PPP1R9A: variants seen among roughly 807,000 people sequenced by gnomAD.
PPP1R9A encodes protein phosphatase 1 regulatory subunit 9A, also known as neurabin-1.
Under a neutral mutation model 141.9 loss-of-function variants are expected in PPP1R9A, and 59 were observed. The observed-to-expected ratio is 0.42, with a 90% CI of 0.34 to 0.52. The LOEUF is 0.52. Among genes scored for constraint, PPP1R9A ranks in the 20% least tolerant of loss-of-function variants. The probability of loss-of-function intolerance (pLI) is 0.10; values close to 1 mark genes in which losing one functional copy is unlikely to be tolerated. For missense variants in PPP1R9A, 1,444 were observed against 1,611.9 expected, an observed-to-expected ratio of 0.90 and a Z score of 1.78; for synonymous variants, 500 against 569.7, an observed-to-expected ratio of 0.88 and a Z score of 1.74.
intron 7 of PPP1R9A, among the ~76,000 whole-genome samples, chr7:95,215,444 G>A (rs1793147001): frequency 1.3e-5 from 2 of 152,088 alleles, no homozygotes; most frequent in Non-Finnish European, 2.9e-5. Flanking sequence ...GTGTGCATGT[G>A]TCTTTATAGC....
At chr7:95,037,689 C>CTGTGTGTGTGCGTGCGCGCG (rs559256453) in intron 2 of PPP1R9A, among the ~76,000 whole-genome samples, 1 of 150,342 alleles carries the variant, frequency 6.7e-6, no homozygotes, top group Non-Finnish European at 1.5e-5. Flanking sequence ...TGAAAGAATG[C>CTGTGTGTGTGCGTGCGCGCG]TGTGTGTGTG....
chr7:95,035,955 A>G (rs1406163874), intron 2 of PPP1R9A: 1 of 152,208 alleles, frequency 6.6e-6, no homozygotes, highest in African/African-American at 2.4e-5. Flanking sequence ...ATAGCTGGAA[A>G]AGCTTCGATT....
chr7:95,148,934 A>G (rs557135247), intron 4 of PPP1R9A, among the ~76,000 whole-genome samples: 3 of 152,094 alleles, frequency 2.0e-5, no homozygotes, highest in African/African-American at 7.2e-5. Context: ...AATATCTCTC[A>G]TGAACATAAA....
chr7:95,255,691 G>A (rs570621140), intron 12 of PPP1R9A, among the ~76,000 whole-genome samples: 1 of 152,218 alleles, frequency 6.6e-6, no homozygotes, highest in South Asian at 2.1e-4. Context: ...AAGGCACTAT[G>A]TAAGCATCTC....
intron 2 of PPP1R9A, among the ~76,000 whole-genome samples, chr7:95,045,172 C>T (rs1463088471): frequency 6.6e-6 from 1 of 151,998 alleles, no homozygotes; most frequent in East Asian, 1.9e-4. Context: ...TTCTTGCTTC[C>T]TAAGAAGAAA....
intron 16 of PPP1R9A, among the ~76,000 whole-genome samples, chr7:95,277,303 A>T (rs972353998): frequency 6.6e-6 from 1 of 152,214 alleles, no homozygotes; most frequent in Admixed American, 6.5e-5. Context: ...ACTCAGATAC[A>T]TGCGCGACAT....
intron 2 of PPP1R9A, among the ~76,000 whole-genome samples, chr7:94,958,251 A>G (rs1200139850): frequency 1.3e-5 from 2 of 151,980 alleles, no homozygotes; most frequent in Admixed American, 6.6e-5. Flanking sequence ...ACTTCCTTGG[A>G]GACCTCCCCT....
intron 4 of PPP1R9A, among the ~76,000 whole-genome samples, chr7:95,135,657 A>G (rs1825517758): frequency 6.6e-6 from 1 of 151,748 alleles, no homozygotes; most frequent in Admixed American, 6.6e-5. Context: ...TTGATTTTTA[A>G]AACTTGTTTT....
intron 2 of PPP1R9A, among the ~76,000 whole-genome samples, chr7:95,108,019 A>AT (rs1354758134): frequency 2.0e-5 from 3 of 151,960 alleles, no homozygotes; most frequent in Admixed American, 1.3e-4. Flanking sequence ...TGTTTTGATC[A>AT]TTTTGTTGTA....
chr7:95,108,307 CTTTTTTT>C (rs1166103728), intron 2 of PPP1R9A, among the ~76,000 whole-genome samples: 3 of 59,596 alleles, frequency 5.0e-5, no homozygotes, highest in East Asian at 8.1e-4. Flanking sequence ...CGTTTCTTTT[CTTTTTTT>C]TTTTTTTTTT....
At chr7:94,992,904 G>A (rs919586700) in intron 2 of PPP1R9A, among the ~76,000 whole-genome samples, 8 of 151,922 alleles carry the variant, frequency 5.3e-5, no homozygotes, top group Non-Finnish European at 1.0e-4. Context: ...GTCCGCTTTA[G>A]CAAGTTTTTC....
Position 95,291,919 on chromosome 7 carries a change from G to A in PPP1R9A, c.*1616G>A, listed in dbSNP as rs1007367921. The A allele has an allele frequency of 1.5e-4, 23 of 152,174 alleles. No homozygotes were observed. Among genetic ancestry groups the A allele is most frequent in the African/African-American group, 5.3e-4 (22 of 41,532 alleles). The allele number at this position is 152,174 out of a possible 1,614,324, so 9.4% of individuals were successfully genotyped here. A position where few individuals can be genotyped will look rare whatever the true frequency, so the allele number is the denominator to read the frequency against. ...CCCCATCTTGTATTTTAATAACAGTGTGATTTTTTTTTATCTGAAAATCTG... is the reference window on the plus strand; with the variant it reads ...CCCCATCTTGTATTTTAATAACAGTATGATTTTTTTTTATCTGAAAATCTG... On this transcript the variant is annotated 3_prime_UTR_variant, in exon 20 of 20. Transcript: ENST00000433360.
chr7:95,087,849 C>T (rs1816833127), intron 2 of PPP1R9A, among the ~76,000 whole-genome samples: 2 of 150,114 alleles, frequency 1.3e-5, no homozygotes, highest in South Asian at 2.1e-4. Context: ...GAGCCGAGAT[C>T]GTGCCACTGC....
chr7:95,254,888 G>A (rs1271609989), intron 12 of PPP1R9A, among the ~76,000 whole-genome samples: 2 of 152,100 alleles, frequency 1.3e-5, no homozygotes, highest in Non-Finnish European at 2.9e-5. Flanking sequence ...ACCACCATTT[G>A]TATGTTTCTC....
chr7:95,281,510 G>C (rs1804231141), intron 16 of PPP1R9A, among the ~76,000 whole-genome samples: 1 of 152,164 alleles, frequency 6.6e-6, no homozygotes, highest in Admixed American at 6.5e-5. Flanking sequence ...TGGATGCACA[G>C]GTCCATGTGG....
intron 8 of PPP1R9A, among the ~76,000 whole-genome samples, chr7:95,228,324 G>A (rs1795432615): frequency 6.6e-6 from 1 of 152,152 alleles, no homozygotes; most frequent in Admixed American, 6.6e-5. Context: ...CATATAGTTA[G>A]TGGTGAAATA....
At chr7:94,976,008 C>T (rs73216206) in intron 2 of PPP1R9A, among the ~76,000 whole-genome samples, 2,970 of 152,046 alleles carry the variant, frequency 0.02, 50 homozygotes, top group Non-Finnish European at 0.032. Context: ...AAGTTTATGT[C>T]TCTATATCAG....
chr7:95,093,891 T>C (rs1312522513), intron 2 of PPP1R9A, among the ~76,000 whole-genome samples: 1 of 152,206 alleles, frequency 6.6e-6, no homozygotes, highest in East Asian at 1.9e-4. Context: ...TCAGAAGTGG[T>C]TCTGATTTAA....
chr7:95,272,104 A>G (rs854528), intron 14 of PPP1R9A, among the ~76,000 whole-genome samples: 92,694 of 151,998 alleles, frequency 0.61, 29,005 homozygotes, highest in African/African-American at 0.75. Flanking sequence ...TTTTAGTCGC[A>G]TGATGTCCAA....
Sources: allele counts gnomAD v4.1 joint callset (sites outside exome capture counted in the v4.1 genomes callset), GRCh38; gene constraint gnomAD v4.1.1; transcripts MANE v1.5; gene names NCBI Gene and HGNC (gene_info 2026-07-23, HGNC 2026-07-21).